The following TCF7L2 variants were observed in gnomAD, a reference collection of about 807,000 sequenced individuals.
TCF7L2 encodes the protein transcription factor 7-like 2.
In TCF7L2, 23 loss-of-function variants were observed where a neutral mutation model predicts 77.9. The ratio of observed to expected loss-of-function variants is 0.30; its 90% CI spans 0.21 to 0.42. The LOEUF is 0.42. Among genes scored for constraint, TCF7L2 ranks in the 10% least tolerant of loss-of-function variants. TCF7L2 has a pLI of 1.00. For synonymous variants in TCF7L2, 413 were observed against 340.2 expected, an observed-to-expected ratio of 1.21 and a Z score of -2.36; for missense variants, 654 against 793.1, an observed-to-expected ratio of 0.82 and a Z score of 2.11.
intron 4 of TCF7L2, among the ~76,000 whole-genome samples, chr10:113,010,164 T>G (rs908964797): frequency 5.3e-5 from 8 of 152,060 alleles, no homozygotes; most frequent in African/African-American, 1.7e-4. Context: ...CTTCTCCTAG[T>G]TGAGTGAGAT....
chr10:113,037,406 C>G (rs1306510971), intron 4 of TCF7L2, among the ~76,000 whole-genome samples: 1 of 152,130 alleles, frequency 6.6e-6, no homozygotes, highest in East Asian at 1.9e-4. Flanking sequence ...TTGGTTAGCT[C>G]TCTCTGGGCA....
At chr10:113,052,910 T>C (rs1253186165) in intron 5 of TCF7L2, among the ~76,000 whole-genome samples, 2 of 152,244 alleles carry the variant, frequency 1.3e-5, no homozygotes. Flanking sequence ...TTCAATGTTA[T>C]CTAAACTTTT....
In TCF7L2 at chr10:112,962,998, T is replaced by C. The variant is rs558886911; in HGVS notation, c.382-1558T>C. ...AGGGCAATGTGGTTCATTACTCTCC[T>C]TTGACAGGTATAGGGTTTTTTTCCC... On this transcript the variant is annotated intron_variant, in intron 3 of 13. Coordinates refer to ENST00000627217, the MANE Select transcript of TCF7L2 (RefSeq NM_001146274.2). 3.9e-4 allele frequency among the ~76,000 whole-genome samples: 60 copies of C among 152,344 alleles called. No individual in the cohort carries two copies. The South Asian group carries it at 0.012, about 32-fold the overall frequency.
Position 113,101,638 on chromosome 10 carries a change from C to T in TCF7L2, c.553-39546C>T, listed in dbSNP as rs559165640. ...TGGGCGGATCACAAGGTCAGGAGAT[C>T]GAGATCATCCTGGCTAACACAGTGA... On this transcript the variant is annotated intron_variant, in intron 5 of 13. Coordinates refer to ENST00000627217, the MANE Select transcript of TCF7L2 (RefSeq NM_001146274.2). 4.0e-5 allele frequency among the ~76,000 whole-genome samples: 6 copies of T among 151,410 alleles called. No homozygotes were observed. In the South Asian group the frequency reaches 6.3e-4, roughly 16 times the overall value.
chr10:112,972,936 AGAGATTGT>A (rs896197799), intron 4 of TCF7L2, among the ~76,000 whole-genome samples: 1 of 152,208 alleles, frequency 6.6e-6, no homozygotes, highest in African/African-American at 2.4e-5. Context: ...GTGACTAGAG[AGAGATTGT>A]CCTACATAGG....
intron 4 of TCF7L2, among the ~76,000 whole-genome samples, chr10:113,012,203 C>T (rs997025735): frequency 3.9e-5 from 6 of 152,130 alleles, no homozygotes; most frequent in South Asian, 2.1e-4. Context: ...CTGGGGAATG[C>T]GAGCCATGCA....
At chr10:113,106,630 A>C (rs1232718181) in intron 5 of TCF7L2, among the ~76,000 whole-genome samples, 1 of 152,226 alleles carries the variant, frequency 6.6e-6, no homozygotes, top group Non-Finnish European at 1.5e-5. Context: ...TCTCTGCTAA[A>C]GGTTAACGAG....
At chr10:113,032,002 G>T (rs780225382) in intron 4 of TCF7L2, among the ~76,000 whole-genome samples, 1 of 152,236 alleles carries the variant, frequency 6.6e-6, no homozygotes, top group African/African-American at 2.4e-5. Context: ...TAGGCAAAGC[G>T]TGGAGAAGAG....
At chr10:113,044,135 G>A (rs564160092) in intron 5 of TCF7L2, among the ~76,000 whole-genome samples, 1 of 152,158 alleles carries the variant, frequency 6.6e-6, no homozygotes, top group Non-Finnish European at 1.5e-5. Context: ...GAGCATGGAG[G>A]TGTGGGATAA....
At chr10:113,006,400 G>A (rs1239075382) in intron 4 of TCF7L2, among the ~76,000 whole-genome samples, 1 of 152,270 alleles carries the variant, frequency 6.6e-6, no homozygotes, top group Middle Eastern at 3.4e-3. Flanking sequence ...AATCCCTCAC[G>A]CTGGAGGATC....
chr10:113,118,605 A>G (rs2136236447), intron 5 of TCF7L2, among the ~76,000 whole-genome samples: 1 of 150,060 alleles, frequency 6.7e-6, no homozygotes, highest in Middle Eastern at 3.6e-3. Context: ...AGGAAAATGG[A>G]TAGGCCCTAC....
chr10:113,131,154 T>G (rs2066539858), intron 5 of TCF7L2, among the ~76,000 whole-genome samples: 1 of 152,230 alleles, frequency 6.6e-6, no homozygotes, highest in African/African-American at 2.4e-5. Flanking sequence ...TGTGATGTTA[T>G]TGTATGACCA....
chr10:113,141,442 GC>G, intron 6 of TCF7L2, 126 bp downstream of exon 6: 1 of 1,362,628 alleles, frequency 7.3e-7, no homozygotes, highest in Non-Finnish European at 9.8e-7. Flanking sequence ...TGGTGGGGGG[GC>G]CCCTGTTGCT....
chr10:113,101,830 G>C (rs1254682131), intron 5 of TCF7L2, among the ~76,000 whole-genome samples: 1 of 44,042 alleles, frequency 2.3e-5, no homozygotes, highest in Non-Finnish European at 3.8e-5. Flanking sequence ...GCGACAGAGC[G>C]AGACTCCGTC....
rs1342461209 is a variant in TCF7L2 at position 113,079,780 on chromosome 10, C to T, written c.552+39654C>T. ...ACAAGCGATTTTCGTGCCTCAGTTA[C>T]CCAAGTAGCTGGGATTACAGGTGTG... is the stretch of plus-strand genomic sequence containing the variant. On this transcript the variant is annotated intron_variant, in intron 5 of 13. Coordinates refer to ENST00000627217, the MANE Select transcript of TCF7L2 (RefSeq NM_001146274.2). Among the ~76,000 whole-genome samples, 76 of 151,924 alleles carry T rather than the reference C, an allele frequency of 5.0e-4. 1 individual carries two copies. The highest frequency in any genetic ancestry group is 2.9e-5 in the Non-Finnish European group (2 of 68,004).
chr10:113,022,611 T>C (rs1394122374), intron 4 of TCF7L2, among the ~76,000 whole-genome samples: 1 of 152,224 alleles, frequency 6.6e-6, no homozygotes, highest in South Asian at 2.1e-4. Flanking sequence ...ATTTACTTTT[T>C]GGATGATTTA....
At chr10:113,097,646 G>GAAAAAAAAAAAAA (rs869133669) in intron 5 of TCF7L2, among the ~76,000 whole-genome samples, 1 of 36,734 alleles carries the variant, frequency 2.7e-5, no homozygotes, top group African/African-American at 1.1e-4. Flanking sequence ...TCTTGTCTCG[G>GAAAAAAAAAAAAA]AAAAAAAAAA....
chr10:113,127,626 C>G (rs1388893168), intron 5 of TCF7L2, among the ~76,000 whole-genome samples: 2 of 151,814 alleles, frequency 1.3e-5, no homozygotes, highest in South Asian at 2.1e-4. Context: ...TTAAACCCTA[C>G]AGAACTTTGC....
chr10:112,964,559 C>T lies in TCF7L2; in HGVS notation c.385C>T (p.His129Tyr). The T allele has an allele frequency of 6.2e-7, 1 of 1,613,312 alleles. No individual in the cohort carries two copies. Among genetic ancestry groups the T allele is most frequent in the Non-Finnish European group, 8.5e-7 (1 of 1,179,442 alleles). ...TTGATTTGGTTTCTTTCTACAGCTC[C>T]ATTTTCAGTCCGGCAGCACACATTA... Residue 129 changes from histidine (H) to tyrosine (Y), a missense_variant, in exon 4 of 14, where the codon CAT (histidine) becomes TAT (tyrosine). Around this residue, in one of 6 missense-constraint regions of TCF7L2, gnomAD observed 132 missense variants for 123.7 expected, o/e 1.07. Coordinates refer to ENST00000627217, the MANE Select transcript of TCF7L2 (RefSeq NM_001146274.2).
Sources: allele counts gnomAD v4.1 joint callset (sites outside exome capture counted in the v4.1 genomes callset), GRCh38; gene constraint gnomAD v4.1.1; regional missense constraint gnomAD v4.1.1; transcripts MANE v1.5; gene names NCBI Gene and HGNC (gene_info 2026-07-23, HGNC 2026-07-21).